The following PDZD2 variants were observed in gnomAD, a reference collection of about 807,000 sequenced individuals.
The protein encoded by PDZD2 is PDZ domain-containing protein 2.
Under a neutral mutation model 220.7 loss-of-function variants are expected in PDZD2, and 90 were observed. That is an observed-to-expected ratio of 0.41 (90% CI 0.34 to 0.49). PDZD2 has a LOEUF of 0.49. Among genes scored for constraint, PDZD2 ranks in the 20% least tolerant of loss-of-function variants. The probability of loss-of-function intolerance (pLI) is 0.28; values close to 1 mark genes in which losing one functional copy is unlikely to be tolerated. For synonymous variants in PDZD2, 1,375 were observed against 1,450.5 expected (o/e 0.95, Z 1.18); for missense variants, 3,174 against 3,608.5 (o/e 0.88, Z 3.08).
At chr5:31,671,915 C>G (rs1746231939) in intron 1 of PDZD2, among the ~76,000 whole-genome samples, 1 of 152,196 alleles carries the variant, frequency 6.6e-6, no homozygotes, top group Admixed American at 6.5e-5. Flanking sequence ...GGGTGGAGCT[C>G]TAGGACCTCT....
chr5:31,820,609 C>G (rs1755779871), intron 2 of PDZD2: 1 of 151,982 alleles, frequency 6.6e-6, no homozygotes, highest in Admixed American at 6.6e-5. Flanking sequence ...TGTATCGTTC[C>G]AATTTTAGTA....
intron 1 of PDZD2, among the ~76,000 whole-genome samples, chr5:31,793,846 C>T (rs1388499317): frequency 1.3e-5 from 2 of 152,046 alleles, no homozygotes; most frequent in African/African-American, 4.8e-5. Flanking sequence ...TTGAAGGAAA[C>T]GGGAGGTCTG....
chr5:31,988,765 T>C (rs532066173), intron 3 of PDZD2, among the ~76,000 whole-genome samples: 20 of 152,316 alleles, frequency 1.3e-4, no homozygotes, highest in African/African-American at 4.6e-4. Flanking sequence ...AGACCATACT[T>C]AGTGTCACCT....
At chr5:31,743,410 G>T (rs965969407) in intron 1 of PDZD2, among the ~76,000 whole-genome samples, 3 of 151,832 alleles carry the variant, frequency 2.0e-5, no homozygotes, top group African/African-American at 7.3e-5. Context: ...CACCCATCTC[G>T]GCCTCCCAAA....
chr5:32,003,383 AC>A (rs1561318418), intron 5 of PDZD2, among the ~76,000 whole-genome samples: 4 of 22,876 alleles, frequency 1.7e-4, no homozygotes, highest in Admixed American at 5.6e-4. Context: ...CCACACACAC[AC>A]CCACACACAC....
intron 2 of PDZD2, among the ~76,000 whole-genome samples, chr5:31,972,816 G>C: frequency 6.6e-6 from 1 of 152,176 alleles, no homozygotes; most frequent in East Asian, 1.9e-4. Flanking sequence ...ACCCCTCCAG[G>C]AAAATGTGGC....
intron 2 of PDZD2, among the ~76,000 whole-genome samples, chr5:31,894,657 CTT>C (rs1052663963): frequency 6.6e-6 from 1 of 152,136 alleles, no homozygotes; most frequent in African/African-American, 2.4e-5. Flanking sequence ...TGTGTCCTGA[CTT>C]CATTTTATTC....
rs746925194 is a variant in PDZD2 at position 32,087,703 on chromosome 5, A to C, written c.4255A>C (p.Ser1419Arg). 9 of 1,613,650 alleles carry C rather than the reference A, an allele frequency of 5.6e-6. No individual in the cohort carries two copies. The highest frequency in any genetic ancestry group is 7.6e-6 in the Non-Finnish European group (9 of 1,179,784). The change falls in exon 20 of 25, where the codon AGT (serine) becomes CGT (arginine). Residue 1419 changes from serine to arginine, a missense_variant. By Grantham distance (110) the Ser-to-Arg change is moderately radical. Around this residue, in one of 4 missense-constraint regions of PDZD2, gnomAD observed 1,861 missense variants for 2,001.0 expected, o/e 0.93. Transcript: ENST00000438447. This position sits in a 1 kb window ranked among gnomAD's most constrained non-coding sequence, Gnocchi z 4.0. ...HVSGHCCPGG[S>R]RESPVTDIDS... ...CTCGGGGCACTGCTGCCCAGGGGGG[A>C]GTAGAGAGAGCCCTGTGACGGACAT...
chr5:31,897,442 C>T (rs1394513646), intron 2 of PDZD2, among the ~76,000 whole-genome samples: 2 of 152,148 alleles, frequency 1.3e-5, no homozygotes, highest in African/African-American at 2.4e-5. Flanking sequence ...CTCTGTTATT[C>T]CCTGTGTTGT....
intron 2 of PDZD2, chr5:31,908,905 C>T: frequency 2.5e-6 from 1 of 400,638 alleles, no homozygotes; most frequent in Admixed American, 3.6e-5. Context: ...AATTAGCTGG[C>T]TGTGGTTGGT....
intron 19 of PDZD2, among the ~76,000 whole-genome samples, chr5:32,081,518 C>T (rs1243277317): frequency 1.3e-5 from 2 of 152,152 alleles, no homozygotes; most frequent in African/African-American, 2.4e-5. Flanking sequence ...ATCTGAAATA[C>T]CCGATTACCG....
At chr5:31,874,362 T>G (rs1436020611) in intron 2 of PDZD2, among the ~76,000 whole-genome samples, 2 of 152,144 alleles carry the variant, frequency 1.3e-5, no homozygotes, top group Non-Finnish European at 2.9e-5. Flanking sequence ...CCTGTTTATG[T>G]TACGTGTTTT....
intron 1 of PDZD2, among the ~76,000 whole-genome samples, chr5:31,735,578 TC>T (rs1749810098): frequency 6.6e-6 from 1 of 151,886 alleles, no homozygotes; most frequent in African/African-American, 2.4e-5. Flanking sequence ...GTGGGGTGGA[TC>T]ACCTGAGGTC....
At chr5:32,006,819 G>T (rs1190550404) in intron 5 of PDZD2, among the ~76,000 whole-genome samples, 1 of 149,446 alleles carries the variant, frequency 6.7e-6, no homozygotes, top group East Asian at 2.0e-4. Flanking sequence ...CCTCCTGAGT[G>T]GCTGGGACCA....
chr5:31,659,668 C>A (rs897305277), intron 1 of PDZD2, among the ~76,000 whole-genome samples: 1 of 152,132 alleles, frequency 6.6e-6, no homozygotes, highest in Non-Finnish European at 1.5e-5. Context: ...ACTGCTAAGA[C>A]TTATTCTCAT....
intron 1 of PDZD2, among the ~76,000 whole-genome samples, chr5:31,752,504 G>A (rs1449556185): frequency 1.3e-5 from 2 of 152,072 alleles, no homozygotes; most frequent in African/African-American, 4.8e-5. Context: ...AGCTGAGATC[G>A]TGCCACTGCA....
At chr5:31,640,888 G>T (rs560252910) in intron 1 of PDZD2, among the ~76,000 whole-genome samples, 16 of 150,546 alleles carry the variant, frequency 1.1e-4, no homozygotes, top group African/African-American at 3.9e-4. Flanking sequence ...GGAGTAGGGG[G>T]GTGGCAGGTG....
At chr5:31,989,649 C>T (rs1013982067) in intron 3 of PDZD2, among the ~76,000 whole-genome samples, 9 of 152,124 alleles carry the variant, frequency 5.9e-5, no homozygotes, top group African/African-American at 1.7e-4. Context: ...GCCTCGAGCT[C>T]CTGACCTCTA....
chr5:32,040,978 G>A (rs995554271), intron 7 of PDZD2, among the ~76,000 whole-genome samples: 22 of 143,082 alleles, frequency 1.5e-4, no homozygotes, highest in Admixed American at 4.9e-4. Flanking sequence ...TGGCCACCCC[G>A]TCTGGGAGGT....
Sources: gnomAD v4.1 joint callset for allele counts (sites outside exome capture counted in the v4.1 genomes callset) on GRCh38, gnomAD v4.1.1 for gene constraint, gnomAD v4.1.1 regional missense constraint, Gnocchi (gnomAD v3.1) non-coding constraint, MANE v1.5 for transcripts, NCBI Gene and HGNC (gene_info 2026-07-23, HGNC 2026-07-21) for gene names.